Variants in EFCAB13 observed in about 807,000 individuals in gnomAD.
The protein encoded by EFCAB13 is EF-hand calcium binding domain 13.
EFCAB13 carries 91 observed loss-of-function variants against 110.2 expected under a neutral mutation model. That is an observed-to-expected ratio of 0.83 (90% CI 0.70 to 0.98). The LOEUF is 0.98. EFCAB13 is among the 50% of genes least tolerant of loss of function. EFCAB13 has a pLI of 0.00. For missense variants in EFCAB13, 968 were observed against 1,119.4 expected (o/e 0.86, Z 1.93); for synonymous variants, 323 against 369.9 (o/e 0.87, Z 1.45).
At chr17:47,415,223 T>G (rs1010800201) in intron 23 of EFCAB13, among the ~76,000 whole-genome samples, 1 of 151,380 alleles carries the variant, frequency 6.6e-6, no homozygotes, top group Non-Finnish European at 1.5e-5. Context: ...AACATCACAC[T>G]CTGGGGACTG....
intron 9 of EFCAB13, among the ~76,000 whole-genome samples, chr17:47,352,797 A>C (rs112449195): frequency 0.05 from 7,590 of 152,062 alleles, 253 homozygotes; most frequent in East Asian, 0.11. Flanking sequence ...GAGATCTTTC[A>C]CCTCTTTGGT....
rs1354148414 is a variant in EFCAB13, at chr17:47,414,699, A to G, written c.2423-149A>G. The G allele has an allele frequency of 1.1e-5, 7 of 638,350 alleles. No individual in the cohort carries two copies. In the East Asian group the frequency reaches 2.0e-4, roughly 19 times the overall value. 39.5% of individuals were successfully genotyped at this position (638,350 alleles called of 1,614,324 possible). A position where few individuals can be genotyped will look rare whatever the true frequency, so the allele number is the denominator to read the frequency against. ...TCACTGGGTGGTTTTAAAAAGTGTTAAAAGTTCTATTGAAATAGTTTCAAT... is the reference window on the plus strand; with the variant it reads ...TCACTGGGTGGTTTTAAAAAGTGTTGAAAGTTCTATTGAAATAGTTTCAAT... On this transcript the variant is annotated intron_variant, in intron 22 of 24. Coordinates refer to ENST00000331493, the MANE Select transcript of EFCAB13 (RefSeq NM_152347.5).
chr17:47,387,068 G>A (rs1054621871), intron 14 of EFCAB13, among the ~76,000 whole-genome samples: 5 of 152,104 alleles, frequency 3.3e-5, no homozygotes, highest in African/African-American at 7.2e-5. Context: ...GCTGCAGACC[G>A]GAGCTGTTCC....
chr17:47,396,054 C>T (rs1390700414), intron 17 of EFCAB13, 77 bp downstream of exon 17: 31 of 1,319,440 alleles, frequency 2.3e-5, no homozygotes, highest in African/African-American at 5.8e-5. Context: ...GTCATTGTAT[C>T]TTGTACTTGG....
In EFCAB13 at chr17:47,328,350, A is replaced by C. The variant is rs753174211; in HGVS notation, c.-4A>C. On this transcript the variant is annotated 5_prime_UTR_variant, in exon 4 of 25. Transcript: ENST00000331493. Reference sequence around the variant, plus strand: ...AAGGACAGAATTTACCTCTAAACAGAAAGATGGAAACTAAAGTACATTTAT... The same window carrying C: ...AAGGACAGAATTTACCTCTAAACAGCAAGATGGAAACTAAAGTACATTTAT... The C allele has an allele frequency of 7.5e-6, 12 of 1,604,966 alleles. No individual in the cohort carries two copies. Among genetic ancestry groups the C allele is most frequent in the Non-Finnish European group, 1.0e-5 (12 of 1,173,600 alleles).
chr17:47,437,584 C>G (rs981881752), intron 24 of EFCAB13, among the ~76,000 whole-genome samples: 12 of 152,312 alleles, frequency 7.9e-5, no homozygotes, highest in African/African-American at 2.9e-4. Context: ...GCTACCCCTG[C>G]TCACTTTTGG....
intron 19 of EFCAB13, among the ~76,000 whole-genome samples, chr17:47,404,293 C>G (rs1372457257): frequency 6.6e-6 from 1 of 152,036 alleles, no homozygotes; most frequent in Non-Finnish European, 1.5e-5. Flanking sequence ...GAATAGAAAT[C>G]CTAGCTTTGC....
chr17:47,369,113 C>T (rs546016838), intron 10 of EFCAB13, among the ~76,000 whole-genome samples: 249 of 152,262 alleles, frequency 1.6e-3, no homozygotes, highest in African/African-American at 5.6e-3. Context: ...GGTATATGAA[C>T]CTGATACCAA....
chr17:47,378,522 A>T (rs2065629075), intron 13 of EFCAB13, among the ~76,000 whole-genome samples: 1 of 152,200 alleles, frequency 6.6e-6, no homozygotes. Context: ...GGAGAATAAC[A>T]TTAGAAGTGA....
chr17:47,425,108 T>A (rs1291390104), intron 23 of EFCAB13, among the ~76,000 whole-genome samples: 6 of 150,926 alleles, frequency 4.0e-5, no homozygotes, highest in African/African-American at 1.5e-4. Flanking sequence ...GGTCTCGATC[T>A]CCTGACCTCG....
chr17:47,393,454 A>C (rs1298216751), intron 15 of EFCAB13, among the ~76,000 whole-genome samples: 1 of 152,210 alleles, frequency 6.6e-6, no homozygotes, highest in African/African-American at 2.4e-5. Flanking sequence ...CTTAATGGCA[A>C]AAAAGGAGAA....
At chr17:47,419,996 G>A (rs912880203) in intron 23 of EFCAB13, among the ~76,000 whole-genome samples, 3 of 151,856 alleles carry the variant, frequency 2.0e-5, no homozygotes, top group African/African-American at 7.3e-5. Flanking sequence ...CTCTGATGCC[G>A]AGCGGAAGCT....
At position 47,379,279 on chromosome 17, in the gene EFCAB13, G is replaced by T. The variant is rs9807023; in HGVS notation, c.1582+26G>T. ...GTAGGTAGGAAATTTGTTTTAAAAT[G>T]ATTTAGAGGGAAGAGCAGTGTGTTG... is the stretch of plus-strand genomic sequence containing the variant. On this transcript the variant is annotated intron_variant, in intron 14 of 24. Coordinates refer to ENST00000331493, the MANE Select transcript of EFCAB13 (RefSeq NM_152347.5). 9,990 of 1,565,510 alleles carry T rather than the reference G, an allele frequency of 6.4e-3. 523 individuals carry two copies. The African/African-American group carries it at 0.11, about 18-fold the overall frequency.
At chr17:47,355,850 C>T (rs1475243006) in intron 9 of EFCAB13, among the ~76,000 whole-genome samples, 1 of 151,986 alleles carries the variant, frequency 6.6e-6, no homozygotes, top group African/African-American at 2.4e-5. Flanking sequence ...GGATTACTGG[C>T]ATGAGCCACT....
chr17:47,374,490 C>A lies in EFCAB13; in HGVS notation c.896C>A (p.Pro299His). 6.6e-7 allele frequency: 1 copy of A among 1,524,670 alleles called. No homozygotes were observed. Among genetic ancestry groups the A allele is most frequent in the Non-Finnish European group, 8.8e-7 (1 of 1,139,528 alleles). The allele number at this position is 1,524,670 out of a possible 1,614,324, so 94.4% of individuals were successfully genotyped here. The change falls in exon 12 of 25, where the codon CCT (proline) becomes CAT (histidine). Residue 299 changes from proline to histidine, a missense_variant. Pro to His is a moderately conservative substitution (Grantham distance 77). Transcript: ENST00000331493. The part of the protein sequence containing the change: ...YEDVSITEGS[P>H]LNEITSDRKL... ...TATTTAGCAATTACAGAAGGATCACCTTTGAATGAAATTACTTCAGACAGA... is the reference window on the plus strand; with the variant it reads ...TATTTAGCAATTACAGAAGGATCACATTTGAATGAAATTACTTCAGACAGA...
chr17:47,370,288 C>A, intron 10 of EFCAB13, 149 bp from the exon 11 acceptor site: 1 of 630,048 alleles, frequency 1.6e-6, no homozygotes, highest in Non-Finnish European at 2.8e-6. Context: ...GTTATTAATT[C>A]ATGATTTCAG....
intron 23 of EFCAB13, among the ~76,000 whole-genome samples, chr17:47,427,160 A>G (rs1328770520): frequency 6.6e-6 from 1 of 152,134 alleles, no homozygotes; most frequent in Non-Finnish European, 1.5e-5. Context: ...ATGTAAATAC[A>G]TCACGTTTTT....
At chr17:47,377,685 A>G in intron 12 of EFCAB13, 81 bp from the exon 13 acceptor site, 1 of 1,268,990 alleles carries the variant, frequency 7.9e-7, no homozygotes, top group South Asian at 1.7e-5. Context: ...CTTGTTCTCT[A>G]ATTTCTAAAG....
chr17:47,411,155 G>A (rs764887396), intron 21 of EFCAB13, among the ~76,000 whole-genome samples: 1 of 152,004 alleles, frequency 6.6e-6, no homozygotes, highest in Admixed American at 6.6e-5. Flanking sequence ...ATCTTTTGTT[G>A]TTAACTCATA....
Sources: allele counts gnomAD v4.1 joint callset (sites outside exome capture counted in the v4.1 genomes callset), GRCh38; gene constraint gnomAD v4.1.1; transcripts MANE v1.5; gene names NCBI Gene and HGNC (gene_info 2026-07-23, HGNC 2026-07-21).